Variants in GLRX3 observed in about 807,000 individuals in gnomAD.
GLRX3 encodes the protein glutaredoxin 3.
In GLRX3, 22 loss-of-function variants were observed where a neutral mutation model predicts 49.5. That is an observed-to-expected ratio of 0.44 (90% CI 0.32 to 0.63). The LOEUF (loss-of-function observed/expected upper bound fraction) is 0.63, where lower values mean the gene tolerates loss of function less well. GLRX3 is among the 30% of genes least tolerant of loss of function. GLRX3 has a pLI of 0.05. For missense variants in GLRX3, 385 were observed against 396.3 expected, an observed-to-expected ratio of 0.97 and a Z score of 0.24; for synonymous variants, 133 against 140.0, an observed-to-expected ratio of 0.95 and a Z score of 0.35.
Position 130,179,568 on chromosome 10 carries a change from C to A in GLRX3, c.*176C>A. ...AAATGTATGTTACATTTTTTTCCCA[C>A]CAAAAATAGAATGCAATAAACATCT... On this transcript the variant is annotated 3_prime_UTR_variant, in exon 11 of 11. Coordinates refer to ENST00000331244, the MANE Select transcript of GLRX3 (RefSeq NM_006541.5). The A allele has an allele frequency of 1.8e-6, 1 of 563,862 alleles. No homozygotes were observed. The highest frequency in any genetic ancestry group is 3.2e-6 in the Non-Finnish European group (1 of 315,702). 34.9% of individuals were successfully genotyped at this position (563,862 alleles called of 1,614,324 possible).
At chr10:130,153,413 G>A (rs1862417534) in intron 2 of GLRX3, among the ~76,000 whole-genome samples, 1 of 152,162 alleles carries the variant, frequency 6.6e-6, no homozygotes, top group Non-Finnish European at 1.5e-5. Context: ...TTTCTGCTCT[G>A]GTTTCTCCCC....
At chr10:130,179,771 G>A (rs1332318683), downstream of GLRX3, 4 of 209,324 alleles carry the variant, frequency 1.9e-5, no homozygotes, top group South Asian at 2.2e-4. Flanking sequence ...GTACACAACA[G>A]TATTTAGGAC....
intron 2 of GLRX3, among the ~76,000 whole-genome samples, chr10:130,159,063 C>G (rs905702308): frequency 6.6e-6 from 1 of 152,000 alleles, no homozygotes; most frequent in Non-Finnish European, 1.5e-5. Flanking sequence ...ATCTTTTACT[C>G]TTGGAAAAAT....
At chr10:130,149,582 A>G (rs1289910170) in intron 2 of GLRX3, among the ~76,000 whole-genome samples, 1 of 152,140 alleles carries the variant, frequency 6.6e-6, no homozygotes, top group Non-Finnish European at 1.5e-5. Flanking sequence ...TCTTGTTTGT[A>G]TCTTTACCCA....
At chr10:130,173,006 T>G (rs1862843109) in intron 8 of GLRX3, among the ~76,000 whole-genome samples, 1 of 152,214 alleles carries the variant, frequency 6.6e-6, no homozygotes, top group African/African-American at 2.4e-5. Flanking sequence ...TATAGTCAGT[T>G]TATTGTAATT....
At chr10:130,145,105 G>C in intron 1 of GLRX3, 106 bp from the exon 2 acceptor site, 1 of 510,620 alleles carries the variant, frequency 2.0e-6, no homozygotes, top group African/African-American at 1.9e-5. Context: ...AACTTCAGAC[G>C]GTTCTTTTAA....
At chr10:130,138,266 AGGCTG>A (rs1390029920) in intron 1 of GLRX3, among the ~76,000 whole-genome samples, 10 of 152,138 alleles carry the variant, frequency 6.6e-5, no homozygotes, top group Non-Finnish European at 1.3e-4. Flanking sequence ...CATGTTGCCC[AGGCTG>A]GTCTCTGGAA....
At chr10:130,180,227 G>T (rs1862998509), downstream of GLRX3, 1 of 152,130 alleles carries the variant, frequency 6.6e-6, no homozygotes, top group African/African-American at 2.4e-5. Context: ...GAGTAGCTGG[G>T]ACCACAGGCG....
chr10:130,159,766 T>A, intron 2 of GLRX3: 2 of 1,259,210 alleles, frequency 1.6e-6, no homozygotes, highest in Non-Finnish European at 2.0e-6. Context: ...TCTTTTGAAA[T>A]GTGCAACAAA....
chr10:130,150,370 A>T (rs1467294370), intron 2 of GLRX3, among the ~76,000 whole-genome samples: 1 of 152,126 alleles, frequency 6.6e-6, no homozygotes, highest in Admixed American at 6.6e-5. Context: ...AGGCCATAGT[A>T]TACTCATTTT....
chr10:130,169,701 C>T (rs924077390), intron 7 of GLRX3, among the ~76,000 whole-genome samples: 2 of 152,202 alleles, frequency 1.3e-5, no homozygotes, highest in Admixed American at 6.5e-5. Context: ...GGGTGCATTT[C>T]TTTCTGCTGC....
At position 130,171,628 on chromosome 10, in the gene GLRX3, T is replaced by C; in HGVS notation, c.816T>C (p.Asn272=). The part of the protein sequence containing the change: ...GFSKQILEIL[N]STGVEYETFD... The stretch of plus-strand genomic sequence containing the variant: ...GCAAACAAATTCTGGAAATACTAAA[T>C]AGTACTGGGTATGTAAATGTTGTTT... Residue 272 remains asparagine (N), a synonymous_variant, in exon 8 of 11, where the codon AAT becomes AAC. Transcript: ENST00000331244. 1 of 1,498,130 alleles carries C rather than the reference T, an allele frequency of 6.7e-7. No individual in the cohort carries two copies. The highest frequency in any genetic ancestry group is 9.3e-7 in the Non-Finnish European group (1 of 1,074,606). 92.8% of individuals were successfully genotyped at this position (1,498,130 alleles called of 1,614,324 possible). A position where few individuals can be genotyped will look rare whatever the true frequency, so the allele number is the denominator to read the frequency against.
intron 2 of GLRX3, among the ~76,000 whole-genome samples, chr10:130,156,156 A>G (rs776347387): frequency 5.9e-5 from 9 of 152,242 alleles, no homozygotes; most frequent in Non-Finnish European, 1.3e-4. Context: ...TCACAGTTCT[A>G]GAGGCTGGGA....
chr10:130,163,284 G>C (rs1325549816), intron 4 of GLRX3, among the ~76,000 whole-genome samples: 1 of 152,052 alleles, frequency 6.6e-6, no homozygotes, highest in Non-Finnish European at 1.5e-5. Context: ...AATTAGCTGG[G>C]CATGGTGGAG....
chr10:130,144,572 TC>T (rs1590057682), intron 1 of GLRX3, among the ~76,000 whole-genome samples: 3 of 152,252 alleles, frequency 2.0e-5, no homozygotes, highest in East Asian at 3.9e-4. Context: ...GTTTTTCTGT[TC>T]CTGTGTTAGT....
chr10:130,136,532 G>C lies in GLRX3; in HGVS notation c.92+20G>C. On this transcript the variant is annotated intron_variant, in intron 1 of 10. Transcript: ENST00000331244. ...AGCCAAGTAAGCGGGGCGGCGAGCGGTAGGAGTGAGGAGCCGGAGCGGGAG... is the reference window on the plus strand; with the variant it reads ...AGCCAAGTAAGCGGGGCGGCGAGCGCTAGGAGTGAGGAGCCGGAGCGGGAG... The C allele has an allele frequency of 7.9e-7, 1 of 1,260,750 alleles. No homozygotes were observed. The highest frequency in any genetic ancestry group is 1.0e-6 in the Non-Finnish European group (1 of 996,352). 78.1% of individuals were successfully genotyped at this position (1,260,750 alleles called of 1,614,324 possible). A position where few individuals can be genotyped will look rare whatever the true frequency, so the allele number is the denominator to read the frequency against.
intron 1 of GLRX3, among the ~76,000 whole-genome samples, chr10:130,137,338 G>A (rs540700015): frequency 2.6e-4 from 39 of 152,220 alleles, no homozygotes; most frequent in Non-Finnish European, 5.0e-4. Flanking sequence ...ATGCTTACTA[G>A]CGTGCGTGCC....
chr10:130,167,884 A>T (rs1263709536), intron 6 of GLRX3, among the ~76,000 whole-genome samples: 2 of 151,738 alleles, frequency 1.3e-5, no homozygotes, highest in African/African-American at 4.8e-5. Flanking sequence ...AGAAAATGAT[A>T]CTCCTCATCC....
At chr10:130,156,415 A>G (rs574065303) in intron 2 of GLRX3, among the ~76,000 whole-genome samples, 3 of 152,186 alleles carry the variant, frequency 2.0e-5, no homozygotes, top group African/African-American at 7.2e-5. Flanking sequence ...CAGCATATGA[A>G]TTTAGGAGGG....
Sources: gnomAD v4.1 joint callset for allele counts (sites outside exome capture counted in the v4.1 genomes callset) on GRCh38, gnomAD v4.1.1 for gene constraint, MANE v1.5 for transcripts, NCBI Gene and HGNC (gene_info 2026-07-23, HGNC 2026-07-21) for gene names.